NAALADL2: variants seen among roughly 807,000 people sequenced by gnomAD.
NAALADL2 encodes N-acetylated alpha-linked acidic dipeptidase like 2.
A neutral mutation model predicts 87.2 loss-of-function variants in NAALADL2; 76 were observed. The ratio of observed to expected loss-of-function variants is 0.87; its 90% CI spans 0.72 to 1.05. NAALADL2 has a LOEUF of 1.05. NAALADL2 is among the 50% of genes least tolerant of loss of function. NAALADL2 has a pLI of 0.00. For synonymous variants in NAALADL2, 354 were observed against 331.0 expected (o/e 1.07, Z -0.75); for missense variants, 1,089 against 945.8 (o/e 1.15, Z -1.99).
At chr3:175,439,786 G>A (rs575374585) in intron 5 of NAALADL2, among the ~76,000 whole-genome samples, 19 of 138,304 alleles carry the variant, frequency 1.4e-4, no homozygotes, top group South Asian at 6.8e-4. Context: ...CTGGATATTC[G>A]TACTTTGTTA....
At chr3:174,755,104 T>G (rs981869149) in intron 3 of NAALADL2, among the ~76,000 whole-genome samples, 1 of 152,188 alleles carries the variant, frequency 6.6e-6, no homozygotes, top group African/African-American at 2.4e-5. Context: ...GTTTCCCTCA[T>G]GCTGTTCTCG....
intron 2 of NAALADL2, among the ~76,000 whole-genome samples, chr3:175,181,030 C>T (rs1303926742): frequency 2.0e-5 from 3 of 151,942 alleles, no homozygotes; most frequent in Non-Finnish European, 4.4e-5. Flanking sequence ...TGATGTATGT[C>T]CAAGCTAACA....
intron 1 of NAALADL2, among the ~76,000 whole-genome samples, chr3:175,064,409 C>T (rs946895025): frequency 3.9e-5 from 6 of 152,036 alleles, no homozygotes; most frequent in African/African-American, 1.2e-4. Context: ...ATCATATACT[C>T]AAGCTGAGTA....
chr3:175,085,994 A>G (rs1420668554), intron 1 of NAALADL2, among the ~76,000 whole-genome samples: 4 of 152,194 alleles, frequency 2.6e-5, no homozygotes, highest in Admixed American at 2.6e-4. Context: ...AAGTCTCACC[A>G]GTTGCAATAG....
At chr3:175,589,807 CAA>C (rs1158399762) in intron 10 of NAALADL2, among the ~76,000 whole-genome samples, 27 of 102,554 alleles carry the variant, frequency 2.6e-4, no homozygotes, top group Middle Eastern at 5.5e-3. Context: ...AAAAAAAAAA[CAA>C]AAAACCAAAA....
chr3:175,624,578 T>A lies in NAALADL2; in HGVS notation c.1801-2713T>A, dbSNP rs1582670708. Among the ~76,000 whole-genome samples, 4 of 152,078 alleles carry A rather than the reference T, an allele frequency of 2.6e-5. No homozygotes were observed. The South Asian group carries it at 8.3e-4, about 31-fold the overall frequency. ...TAGTTGTCCTTTAGCTTTTCCAACC[T>A]CCTGATCTGACTAAAAAGTGTGATG... On this transcript the variant is annotated intron_variant, in intron 10 of 13. Coordinates refer to ENST00000454872, the MANE Select transcript of NAALADL2 (RefSeq NM_207015.3).
intron 1 of NAALADL2, among the ~76,000 whole-genome samples, chr3:174,549,255 GA>G (rs1448380482): frequency 1.3e-5 from 2 of 152,214 alleles, no homozygotes; most frequent in East Asian, 3.8e-4. Flanking sequence ...TAGTACTACA[GA>G]GCAGATCTGA....
rs146968823 is a variant in NAALADL2, at chr3:174,735,429, G to C, written c.-114-2212G>C. On this transcript the variant is annotated intron_variant, in intron 2 of 3. Transcript: ENST00000434257. ...TTCAGAAATTATCCAAGACCATACAGGTATGAAGAGAGAAGCTTTCAGTCC... is the reference window on the plus strand; with the variant it reads ...TTCAGAAATTATCCAAGACCATACACGTATGAAGAGAGAAGCTTTCAGTCC... Among the ~76,000 whole-genome samples, 1,165 of 152,230 alleles carry C rather than the reference G, an allele frequency of 7.7e-3. 16 individuals are homozygous for C. The highest frequency in any genetic ancestry group is 0.027 in the Middle Eastern group (8 of 294).
intron 1 of NAALADL2, among the ~76,000 whole-genome samples, chr3:174,544,024 A>G (rs1722501573): frequency 6.7e-6 from 1 of 150,314 alleles, no homozygotes; most frequent in African/African-American, 2.4e-5. Context: ...AAAAAAAAAG[A>G]AAAGAAAGGC....
At chr3:174,672,988 T>C (rs907339997) in intron 2 of NAALADL2, among the ~76,000 whole-genome samples, 2 of 152,040 alleles carry the variant, frequency 1.3e-5, no homozygotes, top group African/African-American at 4.8e-5. Context: ...TTCTGATGTA[T>C]ATTTTCACAA....
At chr3:175,641,269 C>A (rs1729254894) in intron 11 of NAALADL2, among the ~76,000 whole-genome samples, 1 of 152,166 alleles carries the variant, frequency 6.6e-6, no homozygotes, top group African/African-American at 2.4e-5. Context: ...CTCATCCCTA[C>A]CTTCTCATTC....
chr3:174,446,920 G>T (rs746017598), intron 1 of NAALADL2, among the ~76,000 whole-genome samples: 4 of 152,098 alleles, frequency 2.6e-5, no homozygotes, highest in Non-Finnish European at 4.4e-5. Flanking sequence ...GAAGATAGGA[G>T]CAACCTTAAG....
At chr3:174,708,191 T>C (rs1305857140) in intron 2 of NAALADL2, among the ~76,000 whole-genome samples, 5 of 152,134 alleles carry the variant, frequency 3.3e-5, no homozygotes, top group African/African-American at 1.2e-4. Flanking sequence ...CCTACATCTC[T>C]ACCTCCCCTT....
chr3:174,625,057 C>CTCTCTTTTTTTTTTTTTT (rs748895219), intron 2 of NAALADL2, among the ~76,000 whole-genome samples: 7 of 78,844 alleles, frequency 8.9e-5, no homozygotes, highest in African/African-American at 2.5e-4. Context: ...CTCTCTCTCT[C>CTCTCTTTTTTTTTTTTTT]TTTTTTTTTT....
At chr3:175,104,865 CAT>C (rs1722827482) in intron 2 of NAALADL2, among the ~76,000 whole-genome samples, 1 of 152,062 alleles carries the variant, frequency 6.6e-6, no homozygotes, top group Non-Finnish European at 1.5e-5. Flanking sequence ...TTTAATTATG[CAT>C]AGTGTTTCAT....
Position 175,803,897 on chromosome 3 carries a change from T to G in NAALADL2, c.*694T>G, listed in dbSNP as rs1754479978. On this transcript the variant is annotated 3_prime_UTR_variant, in exon 14 of 14. Coordinates refer to ENST00000454872, the MANE Select transcript of NAALADL2 (RefSeq NM_207015.3). ...CCTAACAACTTACAAGGTGACTAGC[T>G]TTGAAACCCCTAATTTGCCTCAGTT... 2 of 152,398 alleles carry G rather than the reference T, an allele frequency of 1.3e-5. No homozygotes were observed. Among genetic ancestry groups the G allele is most frequent in the Non-Finnish European group, 2.9e-5 (2 of 67,896 alleles). 9.4% of individuals were successfully genotyped at this position (152,398 alleles called of 1,614,324 possible).
chr3:175,207,083 G>A (rs1420334784), intron 2 of NAALADL2, among the ~76,000 whole-genome samples: 3 of 152,014 alleles, frequency 2.0e-5, no homozygotes, highest in Non-Finnish European at 4.4e-5. Context: ...ACATAAAGAC[G>A]GGTTGAATGA....
At chr3:174,838,956 C>T (rs911854510) in intron 3 of NAALADL2, among the ~76,000 whole-genome samples, 1 of 152,068 alleles carries the variant, frequency 6.6e-6, no homozygotes, top group Non-Finnish European at 1.5e-5. Flanking sequence ...CTATGCCCAT[C>T]AACACCCCCA....
intron 3 of NAALADL2, among the ~76,000 whole-genome samples, chr3:174,753,010 T>G (rs1338279634): frequency 6.6e-6 from 1 of 152,226 alleles, no homozygotes; most frequent in East Asian, 1.9e-4. Flanking sequence ...AGATGTATGA[T>G]TAACATTTTT....
Sources: gnomAD v4.1 joint callset for allele counts (sites outside exome capture counted in the v4.1 genomes callset) on GRCh38, gnomAD v4.1.1 for gene constraint, MANE v1.5 for transcripts, NCBI Gene and HGNC (gene_info 2026-07-23, HGNC 2026-07-21) for gene names.